CHN1: variants seen among roughly 807,000 people sequenced by gnomAD.
CHN1 encodes the protein N-chimaerin.
In CHN1, 37 loss-of-function variants were observed where a neutral mutation model predicts 59.5. That is an observed-to-expected ratio of 0.62 (90% CI 0.48 to 0.82). The LOEUF is 0.82. CHN1 is among the 40% of genes least tolerant of loss of function. The probability of loss-of-function intolerance (pLI) is 0.00; values close to 1 mark genes in which losing one functional copy is unlikely to be tolerated. For missense variants in CHN1, 469 were observed against 571.0 expected (o/e 0.82, Z 1.82); for synonymous variants, 206 against 200.4 (o/e 1.03, Z -0.24).
chr2:174,907,799 T>C (rs1046259875), intron 5 of CHN1, among the ~76,000 whole-genome samples: 2 of 152,116 alleles, frequency 1.3e-5, no homozygotes, highest in African/African-American at 4.8e-5. Context: ...TACGAAATTT[T>C]ATATAAGTAG....
intron 11 of CHN1, among the ~76,000 whole-genome samples, chr2:174,802,781 C>A (rs1400695610): frequency 1.3e-5 from 2 of 152,074 alleles, no homozygotes; most frequent in Non-Finnish European, 2.9e-5. Context: ...GGCTCACACC[C>A]GTAATCCCAG....
intron 12 of CHN1, among the ~76,000 whole-genome samples, chr2:174,800,935 C>G (rs1684699609): frequency 6.6e-6 from 1 of 152,186 alleles, no homozygotes; most frequent in African/African-American, 2.4e-5. Context: ...ACTCATGGTG[C>G]TCTTAAAGAG....
chr2:174,893,472 C>A (rs1163608743), intron 5 of CHN1, among the ~76,000 whole-genome samples: 1 of 152,114 alleles, frequency 6.6e-6, no homozygotes, highest in Non-Finnish European at 1.5e-5. Context: ...GAAGAAGACA[C>A]AAATAAATGC....
chr2:174,910,131 A>G (rs1688648611), intron 5 of CHN1, among the ~76,000 whole-genome samples: 1 of 152,182 alleles, frequency 6.6e-6, no homozygotes, highest in South Asian at 2.1e-4. Context: ...CAATCTATAC[A>G]TTACATAGAA....
intron 6 of CHN1, among the ~76,000 whole-genome samples, chr2:174,855,998 T>C (rs1686888766): frequency 6.6e-6 from 1 of 152,118 alleles, no homozygotes; most frequent in Non-Finnish European, 1.5e-5. Context: ...AAGGTTGCCA[T>C]TTGAATAAAT....
intron 6 of CHN1, among the ~76,000 whole-genome samples, chr2:174,851,868 A>T (rs1686740580): frequency 6.6e-6 from 1 of 152,210 alleles, no homozygotes; most frequent in African/African-American, 2.4e-5. Context: ...GACTCTGGCA[A>T]AAGGCTACCA....
At chr2:174,839,351 G>A (rs1217939676) in intron 7 of CHN1, among the ~76,000 whole-genome samples, 1 of 152,088 alleles carries the variant, frequency 6.6e-6, no homozygotes, top group African/African-American at 2.4e-5. Context: ...CCTTAATAAA[G>A]GAAATCCTGC....
At chr2:174,881,876 T>A (rs1444455240) in intron 5 of CHN1, among the ~76,000 whole-genome samples, 1 of 152,198 alleles carries the variant, frequency 6.6e-6, no homozygotes, top group African/African-American at 2.4e-5. Flanking sequence ...CTTTCCACTG[T>A]GTCCTGGGAA....
intron 1 of CHN1, among the ~76,000 whole-genome samples, chr2:174,953,483 CTGT>C (rs1360105317): frequency 1.3e-5 from 2 of 152,282 alleles, no homozygotes; most frequent in East Asian, 1.9e-4. Flanking sequence ...GTAAGTCAAA[CTGT>C]TGTTGTTTGC....
At chr2:174,872,514 T>C (rs1213953502) in intron 6 of CHN1, among the ~76,000 whole-genome samples, 2 of 152,234 alleles carry the variant, frequency 1.3e-5, no homozygotes, top group Non-Finnish European at 2.9e-5. Context: ...GTTAAAATAC[T>C]GTTCGATACT....
Position 174,824,495 on chromosome 2 carries a change from G to A in CHN1, c.651C>T (p.His217=), listed in dbSNP as rs1425197965. The change falls in exon 8 of 13, where the codon CAC becomes CAT. Residue 217 remains histidine, a synonymous_variant. Transcript: ENST00000409900. ...NFKVHTFRGP[H]WCEYCANFMW... is the part of the protein sequence containing the mutation. ...TAAAGTTGGCACAGTATTCACACCA[G>A]TGTGGCCCTCTGAATGTATGCACCT... is the stretch of plus-strand genomic sequence containing the variant. 1 of 1,603,498 alleles carries A rather than the reference G, an allele frequency of 6.2e-7. No homozygotes were observed. Among genetic ancestry groups the A allele is most frequent in the Non-Finnish European group, 8.5e-7 (1 of 1,175,402 alleles).
rs1488863921 is a variant in CHN1 at position 174,950,143 on chromosome 2, G to A, written c.58+2021C>T. The stretch of plus-strand genomic sequence containing the variant: ...TCAACCTGTGGTCACAGCTACTCAG[G>A]AGGTTGAAGTGGGAGGATCACTTGA... On this transcript the variant is annotated intron_variant, in intron 2 of 12. Transcript: ENST00000409900. Among the ~76,000 whole-genome samples the A allele has an allele frequency of 4.6e-5, 7 of 152,202 alleles. No individual in the cohort carries two copies. The South Asian group carries it at 1.0e-3, about 23-fold the overall frequency.
chr2:174,807,455 TGTG>T, intron 11 of CHN1, among the ~76,000 whole-genome samples: 3 of 64,634 alleles, frequency 4.6e-5, no homozygotes, highest in African/African-American at 2.3e-4. Context: ...TCTGTGTGTG[TGTG>T]TGTGTGTGTG....
chr2:174,955,101 A>C (rs1373733979), intron 1 of CHN1, among the ~76,000 whole-genome samples: 1 of 149,776 alleles, frequency 6.7e-6, no homozygotes, highest in Non-Finnish European at 1.5e-5. Flanking sequence ...ATATCTATAT[A>C]TATAGATCTA....
At chr2:174,987,357 A>T (rs1322348387) in intron 1 of CHN1, among the ~76,000 whole-genome samples, 1 of 151,990 alleles carries the variant, frequency 6.6e-6, no homozygotes, top group African/African-American at 2.4e-5. Flanking sequence ...TGCCATATAC[A>T]TAGAAACTCA....
At chr2:174,927,160 C>A (rs1419754392) in intron 3 of CHN1, among the ~76,000 whole-genome samples, 1 of 152,092 alleles carries the variant, frequency 6.6e-6, no homozygotes, top group Admixed American at 6.6e-5. Flanking sequence ...GGCACAGACT[C>A]CTGCCTCCCG....
chr2:174,862,014 G>A lies in CHN1; in HGVS notation c.550-15057C>T, dbSNP rs190848230. Among the ~76,000 whole-genome samples the A allele has an allele frequency of 2.6e-3, 399 of 152,256 alleles. 1 individual carries two copies. Among genetic ancestry groups the A allele is most frequent in the African/African-American group, 9.1e-3 (380 of 41,538 alleles). Reference sequence around the variant, plus strand: ...AGTATCTATCATTAGTAAGCCTAAAGTCTGATCACTTTTCCTCCTATGAAC... The same window carrying A: ...AGTATCTATCATTAGTAAGCCTAAAATCTGATCACTTTTCCTCCTATGAAC... On this transcript the variant is annotated intron_variant, in intron 6 of 12. Coordinates refer to ENST00000409900, the MANE Select transcript of CHN1 (RefSeq NM_001822.7).
intron 5 of CHN1, among the ~76,000 whole-genome samples, chr2:174,888,229 T>C (rs1687946915): frequency 6.6e-6 from 1 of 152,196 alleles, no homozygotes; most frequent in Non-Finnish European, 1.5e-5. Flanking sequence ...CAAACAGTTA[T>C]TGGAACCCTT....
chr2:174,822,492 C>T (rs1231746869), intron 8 of CHN1, among the ~76,000 whole-genome samples: 2 of 152,220 alleles, frequency 1.3e-5, no homozygotes, highest in South Asian at 4.1e-4. Context: ...ATGGGCTTCA[C>T]TTTTTCAAAA....
Sources: allele counts gnomAD v4.1 joint callset (sites outside exome capture counted in the v4.1 genomes callset), GRCh38; gene constraint gnomAD v4.1.1; transcripts MANE v1.5; gene names NCBI Gene and HGNC (gene_info 2026-07-23, HGNC 2026-07-21).